NRG1: variants seen among roughly 807,000 people sequenced by gnomAD.
NRG1 encodes neuregulin 1, also known as pro-neuregulin-1, membrane-bound isoform.
In NRG1, 18 loss-of-function variants were observed where a neutral mutation model predicts 63.8. The ratio of observed to expected loss-of-function variants is 0.28; its 90% CI spans 0.19 to 0.42. The LOEUF is 0.42. NRG1 is among the 10% of genes least tolerant of loss of function. The pLI, the probability that NRG1 is intolerant of heterozygous loss-of-function variation, is 1.00. For missense variants in NRG1, 762 were observed against 814.7 expected (o/e 0.94, Z 0.79); for synonymous variants, 302 against 301.3 (o/e 1.00, Z -0.02).
At chr8:32,364,889 T>G (rs955155024) in intron 1 of NRG1, among the ~76,000 whole-genome samples, 2 of 152,066 alleles carry the variant, frequency 1.3e-5, no homozygotes, top group Non-Finnish European at 2.9e-5. Flanking sequence ...CAGTTAGTAT[T>G]GCTTTTAATG....
chr8:31,757,062 C>G (rs777414161), intron 1 of NRG1, among the ~76,000 whole-genome samples: 2 of 152,102 alleles, frequency 1.3e-5, no homozygotes, highest in Non-Finnish European at 2.9e-5. Context: ...ATTTTTGCAG[C>G]ACTTATTTTA....
chr8:32,198,397 C>T (rs373868492), intron 1 of NRG1, among the ~76,000 whole-genome samples: 2 of 152,150 alleles, frequency 1.3e-5, no homozygotes, highest in East Asian at 1.9e-4. Flanking sequence ...AGGCTGGTCT[C>T]GAACTCCTGA....
intron 3 of NRG1, 52 bp from the exon 4 acceptor site, chr8:32,614,462 C>T (rs1846945993): frequency 1.9e-6 from 3 of 1,575,024 alleles, no homozygotes; most frequent in East Asian, 4.5e-5. Context: ...GTGGTACCTG[C>T]TCCCGGCCTC....
At position 32,084,739 on chromosome 8, in the gene NRG1, G is replaced by C. The variant is rs559652826; in HGVS notation, c.37+445308G>C. 2.3e-3 allele frequency among the ~76,000 whole-genome samples: 357 copies of C among 152,186 alleles called. 2 individuals are homozygous for C. Among genetic ancestry groups the C allele is most frequent in the Non-Finnish European group, 3.8e-3 (258 of 68,002 alleles). On this transcript the variant is annotated intron_variant, in intron 1 of 10. Coordinates refer to the NRG1 transcript ENST00000519301. ...AGAGATCATAAAATCCAGTCTTCAC[G>C]GGACCAAGCTGGAACATGGCTGGGT...
At chr8:32,433,331 G>A (rs1818396315) in intron 1 of NRG1, among the ~76,000 whole-genome samples, 1 of 152,138 alleles carries the variant, frequency 6.6e-6, no homozygotes, top group Admixed American at 6.5e-5. Flanking sequence ...AATCCCAAAA[G>A]GGCAGGGGAG....
intron 1 of NRG1, among the ~76,000 whole-genome samples, chr8:32,240,686 T>G (rs1252303533): frequency 6.6e-6 from 1 of 152,044 alleles, no homozygotes; most frequent in African/African-American, 2.4e-5. Context: ...CATTGTACTA[T>G]TGTCCTGTGA....
chr8:32,386,463 C>A (rs1811040823), intron 1 of NRG1, among the ~76,000 whole-genome samples: 1 of 152,106 alleles, frequency 6.6e-6, no homozygotes, highest in African/African-American at 2.4e-5. Context: ...TATGATGGTG[C>A]CTTGAGATGG....
At chr8:31,904,033 A>C (rs945934767) in intron 1 of NRG1, among the ~76,000 whole-genome samples, 2 of 152,226 alleles carry the variant, frequency 1.3e-5, no homozygotes, top group African/African-American at 4.8e-5. Flanking sequence ...CTCAGTTTCC[A>C]AATAGTGGGC....
intron 1 of NRG1, among the ~76,000 whole-genome samples, chr8:31,653,003 TCCTCC>T (rs1805040007): frequency 4.6e-5 from 1 of 21,804 alleles, no homozygotes; most frequent in African/African-American, 1.9e-4. Context: ...TCCTCTCCTC[TCCTCC>T]CCTCCCCTCC....
At chr8:32,741,866 T>A (rs1172614897) in intron 6 of NRG1, 142 bp from the exon 7 acceptor site, 4 of 595,382 alleles carry the variant, frequency 6.7e-6, no homozygotes, top group Non-Finnish European at 8.9e-6. Flanking sequence ...GTTTTCTAAA[T>A]GTTGTGTCTT....
At chr8:32,262,012 C>T (rs943802462) in intron 1 of NRG1, among the ~76,000 whole-genome samples, 5 of 152,114 alleles carry the variant, frequency 3.3e-5, no homozygotes, top group Non-Finnish European at 5.9e-5. Context: ...AGATCTGCCA[C>T]TTAAAGACTC....
chr8:32,099,051 T>C (rs754083864), intron 1 of NRG1, among the ~76,000 whole-genome samples: 4 of 152,108 alleles, frequency 2.6e-5, no homozygotes, highest in Non-Finnish European at 4.4e-5. Flanking sequence ...AAGAAAGCCA[T>C]ATTGATTAGA....
chr8:32,381,852 T>C (rs1810397823), intron 1 of NRG1, among the ~76,000 whole-genome samples: 1 of 152,180 alleles, frequency 6.6e-6, no homozygotes, highest in African/African-American at 2.4e-5. Context: ...ACTTTATAAC[T>C]GAAAGTTAGT....
At chr8:31,936,102 A>G (rs1484967464) in intron 1 of NRG1, among the ~76,000 whole-genome samples, 1 of 152,232 alleles carries the variant, frequency 6.6e-6, no homozygotes, top group Non-Finnish European at 1.5e-5. Flanking sequence ...AATACAGGAG[A>G]TGCACAAGAG....
At chr8:32,015,818 C>T (rs1815434099) in intron 1 of NRG1, among the ~76,000 whole-genome samples, 1 of 151,956 alleles carries the variant, frequency 6.6e-6, no homozygotes, top group Non-Finnish European at 1.5e-5. Context: ...CTGGATACCC[C>T]AGGTGCTTCC....
chr8:32,040,132 T>C (rs1819708792), intron 1 of NRG1, among the ~76,000 whole-genome samples: 1 of 152,190 alleles, frequency 6.6e-6, no homozygotes, highest in African/African-American at 2.4e-5. Flanking sequence ...AATAAAGGGA[T>C]TCTGGTCTGG....
In NRG1 at chr8:31,957,139, A is replaced by C. The variant is rs1477290300; in HGVS notation, c.37+317708A>C. Among the ~76,000 whole-genome samples the C allele has an allele frequency of 2.6e-5, 4 of 152,018 alleles. No individual in the cohort carries two copies. In the East Asian group the frequency reaches 7.7e-4, roughly 29 times the overall value. On this transcript the variant is annotated intron_variant, in intron 1 of 10. Coordinates refer to the NRG1 transcript ENST00000519301. ...TTCTCATGTACAAAAAAAGTTGGGG[A>C]ATTTTTGTCAGAAAATTATGAGTTT...
At chr8:32,735,666 C>G (rs1824845477) in intron 6 of NRG1, among the ~76,000 whole-genome samples, 1 of 152,034 alleles carries the variant, frequency 6.6e-6, no homozygotes, top group Non-Finnish European at 1.5e-5. Flanking sequence ...AGATTGATCC[C>G]ACATCCAATG....
At chr8:32,551,848 C>G (rs1834184684) in intron 1 of NRG1, among the ~76,000 whole-genome samples, 1 of 151,716 alleles carries the variant, frequency 6.6e-6, no homozygotes, top group African/African-American at 2.4e-5. Flanking sequence ...CATATCCAGC[C>G]TCTTCATACT....
Sources: allele counts gnomAD v4.1 joint callset (sites outside exome capture counted in the v4.1 genomes callset), GRCh38; gene constraint gnomAD v4.1.1; transcripts MANE v1.5; gene names NCBI Gene and HGNC (gene_info 2026-07-23, HGNC 2026-07-21).